CATSPERD: variants seen among roughly 807,000 people sequenced by gnomAD.
The protein encoded by CATSPERD is catsper channel auxiliary subunit delta.
Under a neutral mutation model 98.1 loss-of-function variants are expected in CATSPERD, and 86 were observed. The ratio of observed to expected loss-of-function variants is 0.88; its 90% CI spans 0.74 to 1.05. CATSPERD has a LOEUF of 1.05. Ranked by LOEUF, CATSPERD falls within the 50% of genes least tolerant of loss-of-function variation. CATSPERD has a pLI of 0.00. For synonymous variants in CATSPERD, 394 were observed against 390.2 expected (o/e 1.01, Z -0.12); for missense variants, 995 against 1,005.7 (o/e 0.99, Z 0.14).
rs1026175380 is a variant in CATSPERD, at chr19:5,759,804, G to A, written c.1427+660G>A. On this transcript the variant is annotated intron_variant, in intron 15 of 21. Coordinates refer to ENST00000381624, the MANE Select transcript of CATSPERD (RefSeq NM_152784.4). ...AGGAAGGGAGTCCCGGGCCGGGCGC[G>A]GTGGCTCACACCTGTAATCCCAGCA... 2.6e-5 allele frequency among the ~76,000 whole-genome samples: 4 copies of A among 151,746 alleles called. No individual in the cohort carries two copies. The Admixed American group carries it at 2.6e-4, about 10-fold the overall frequency.
At chr19:5,771,298 G>C (rs1286167709) in intron 19 of CATSPERD, among the ~76,000 whole-genome samples, 2 of 152,198 alleles carry the variant, frequency 1.3e-5, no homozygotes, top group Non-Finnish European at 2.9e-5. Flanking sequence ...GCCTAGGATG[G>C]AGTGCAGTGG....
intron 13 of CATSPERD, 148 bp downstream of exon 13, chr19:5,754,393 C>CTTTTTTTT (rs749080620): frequency 9.5e-5 from 22 of 230,536 alleles, no homozygotes; most frequent in Non-Finnish European, 1.2e-4. Flanking sequence ...GTCTCTGTGT[C>CTTTTTTTT]TTTTTTTTTT....
intron 12 of CATSPERD, chr19:5,753,574 A>G (rs1024682507): frequency 1.2e-5 from 5 of 412,678 alleles, no homozygotes; most frequent in African/African-American, 8.5e-5. Context: ...AAAAAAAAAA[A>G]GAAACAGAAA....
At chr19:5,767,766 T>G (rs1450652137) in intron 17 of CATSPERD, among the ~76,000 whole-genome samples, 1 of 100,956 alleles carries the variant, frequency 9.9e-6, no homozygotes, top group African/African-American at 3.9e-5. Context: ...CTGCCCTCCC[T>G]TTTTTATTTG....
At chr19:5,720,946 C>A (rs2055450336) in intron 1 of CATSPERD, 138 bp downstream of exon 1, 1 of 641,008 alleles carries the variant, frequency 1.6e-6, no homozygotes, top group Non-Finnish European at 2.7e-6. Context: ...CTTGACGCCT[C>A]GCTCACCCTA....
Position 5,768,190 on chromosome 19 carries a change from G to A in CATSPERD, c.1582G>A (p.Gly528Ser). Reference sequence around the variant, plus strand: ...CAGCAAAGTTTCCGCCTGTTCCATGGGCATCCTGGACCCCTTGACCCTGCA... The same window carrying A: ...CAGCAAAGTTTCCGCCTGTTCCATGAGCATCCTGGACCCCTTGACCCTGCA... ...IQNKVSACSMGILDPLTLQDN... is the reference protein window; with the variant it reads ...IQNKVSACSMSILDPLTLQDN... The change falls in exon 18 of 22, where the codon GGC (glycine) becomes AGC (serine). Residue 528 changes from glycine (G) to serine (S), a missense_variant. By Grantham distance (56) the Gly-to-Ser change is moderately conservative (BLOSUM62 0). This residue lies in a region of CATSPERD where 762 missense variants were observed against 773.7 expected (regional missense o/e 0.98). Coordinates refer to ENST00000381624, the MANE Select transcript of CATSPERD (RefSeq NM_152784.4). 1 of 1,613,662 alleles carries A rather than the reference G, an allele frequency of 6.2e-7. No homozygotes were observed. The highest frequency in any genetic ancestry group is 8.5e-7 in the Non-Finnish European group (1 of 1,179,754).
chr19:5,771,674 G>A (rs188168833), intron 19 of CATSPERD, among the ~76,000 whole-genome samples: 2 of 151,334 alleles, frequency 1.3e-5, no homozygotes, highest in African/African-American at 4.9e-5. Flanking sequence ...GGGTTCAAGC[G>A]ATTCTCCTGC....
Position 5,724,739 on chromosome 19 carries a change from G to C in CATSPERD, c.72-69G>C, listed in dbSNP as rs1599502222. The C allele has an allele frequency of 3.4e-6, 5 of 1,480,322 alleles. No individual in the cohort carries two copies. In the East Asian group the frequency reaches 1.1e-4, roughly 34 times the overall value. 91.7% of individuals were successfully genotyped at this position (1,480,322 alleles called of 1,614,324 possible). A position where few individuals can be genotyped will look rare whatever the true frequency, so the allele number is the denominator to read the frequency against. Reference sequence around the variant, plus strand: ...GATACTTTAGGGTTAACCCTGAGTTGGCTGAGTAGGAGGATTCATGCTGAA... The same window carrying C: ...GATACTTTAGGGTTAACCCTGAGTTCGCTGAGTAGGAGGATTCATGCTGAA... On this transcript the variant is annotated intron_variant, in intron 1 of 21. Coordinates refer to ENST00000381624, the MANE Select transcript of CATSPERD (RefSeq NM_152784.4).
chr19:5,743,462 G>A (rs2056029353), intron 7 of CATSPERD, among the ~76,000 whole-genome samples: 1 of 151,752 alleles, frequency 6.6e-6, no homozygotes, highest in South Asian at 2.1e-4. Context: ...GCCAAATATG[G>A]TGGCAGGTGC....
chr19:5,762,058 A>ATATATATATATATATATATTT, intron 15 of CATSPERD, among the ~76,000 whole-genome samples: 3 of 10,432 alleles, frequency 2.9e-4, no homozygotes, highest in Admixed American at 1.4e-3. Flanking sequence ...ATATATATAT[A>ATATATATATATATATATATTT]TTTTTTTTTT....
chr19:5,748,222 G>A lies in CATSPERD; in HGVS notation c.871G>A (p.Glu291Lys), dbSNP rs774586641. 6.2e-7 allele frequency: 1 copy of A among 1,614,016 alleles called. No homozygotes were observed. Among genetic ancestry groups the A allele is most frequent in the Admixed American group, 1.7e-5 (1 of 59,942 alleles). Reference protein sequence around the residue: ...GDQTLFSSIFEAKITIHNIAV... With the variant: ...GDQTLFSSIFKAKITIHNIAV... ...CCAGACCTTGTTTTCTTCCATTTTT[G>A]AAGCCAAGATCACCATCCACAACAT... Residue 291 changes from glutamate to lysine, a missense_variant, in exon 10 of 22, where the codon GAA becomes AAA. By Grantham distance (56) the Glu-to-Lys change is moderately conservative. This residue lies in a region of CATSPERD where 762 missense variants were observed against 773.7 expected (regional missense o/e 0.98). Coordinates refer to ENST00000381624, the MANE Select transcript of CATSPERD (RefSeq NM_152784.4).
At chr19:5,731,338 G>C (rs2055713181) in intron 4 of CATSPERD, among the ~76,000 whole-genome samples, 1 of 62,558 alleles carries the variant, frequency 1.6e-5, no homozygotes, top group Admixed American at 1.4e-4. Context: ...CGAGTGTGGT[G>C]GTGTGGTGGT....
chr19:5,746,464 T>C (rs895850211), intron 9 of CATSPERD, among the ~76,000 whole-genome samples: 1 of 152,044 alleles, frequency 6.6e-6, no homozygotes, highest in Non-Finnish European at 1.5e-5. Flanking sequence ...AGTCTCACTC[T>C]GTCGCCCAGG....
At chr19:5,747,615 T>C (rs796110371) in intron 9 of CATSPERD, among the ~76,000 whole-genome samples, 13 of 141,466 alleles carry the variant, frequency 9.2e-5, no homozygotes, top group African/African-American at 2.1e-4. Context: ...CTTTTCTTTT[T>C]TTTTTTTTTT....
chr19:5,770,884 G>C lies in CATSPERD; in HGVS notation c.1635-60G>C. 4.5e-6 allele frequency: 7 copies of C among 1,541,952 alleles called. No homozygotes were observed. In the South Asian group the frequency reaches 6.3e-5, roughly 14 times the overall value. ...CAAAAAAGAAACTGCGGCTGTGAAG[G>C]GTTGGCAGACTGGGCAGGAACTCAC... On this transcript the variant is annotated intron_variant, in intron 18 of 21. Coordinates refer to ENST00000381624, the MANE Select transcript of CATSPERD (RefSeq NM_152784.4).
At chr19:5,773,081 C>T (rs550291898) in intron 20 of CATSPERD, 116 bp downstream of exon 20, 15 of 1,036,554 alleles carry the variant, frequency 1.4e-5, no homozygotes, top group Middle Eastern at 3.1e-4. Flanking sequence ...AGTTGGGGCG[C>T]GGTGGCTCAC....
At chr19:5,752,115 C>T (rs1396564855) in intron 12 of CATSPERD, among the ~76,000 whole-genome samples, 1 of 152,058 alleles carries the variant, frequency 6.6e-6, no homozygotes, top group African/African-American at 2.4e-5. Context: ...TCCAGACCAG[C>T]CTGGCCAACA....
intron 7 of CATSPERD, among the ~76,000 whole-genome samples, chr19:5,740,254 C>G (rs1045607509): frequency 5.3e-5 from 8 of 150,636 alleles, no homozygotes; most frequent in African/African-American, 2.0e-4. Context: ...GCACTCCAGC[C>G]TGGGCAACAA....
At chr19:5,772,214 ATTTTTTT>A (rs35847357) in intron 19 of CATSPERD, 115 of 154,384 alleles carry the variant, frequency 7.4e-4, no homozygotes, top group African/African-American at 4.2e-3. Context: ...TGCCCGGTTA[ATTTTTTT>A]TTTTTTTTTT....
Sources: gnomAD v4.1 joint callset for allele counts (sites outside exome capture counted in the v4.1 genomes callset) on GRCh38, gnomAD v4.1.1 for gene constraint, gnomAD v4.1.1 regional missense constraint, MANE v1.5 for transcripts, NCBI Gene and HGNC (gene_info 2026-07-23, HGNC 2026-07-21) for gene names.